Variants in LRRC8D observed in about 807,000 individuals in gnomAD.
LRRC8D encodes leucine rich repeat containing 8 VRAC subunit D.
A neutral mutation model predicts 55.8 loss-of-function variants in LRRC8D; 20 were observed. The ratio of observed to expected loss-of-function variants is 0.36; its 90% CI spans 0.25 to 0.52. The LOEUF (loss-of-function observed/expected upper bound fraction) is 0.52, where lower values mean the gene tolerates loss of function less well. LRRC8D is among the 20% of genes least tolerant of loss of function. The pLI is 0.93. For missense variants in LRRC8D, 651 were observed against 1,030.8 expected, an observed-to-expected ratio of 0.63 and a Z score of 5.05; for synonymous variants, 352 against 377.0, an observed-to-expected ratio of 0.93 and a Z score of 0.77.
chr1:89,822,395 T>C (rs1302284122), intron 1 of LRRC8D, among the ~76,000 whole-genome samples: 1 of 152,192 alleles, frequency 6.6e-6, no homozygotes, highest in Non-Finnish European at 1.5e-5. Context: ...CCGCTTGGCT[T>C]ATATTTGGCT....
chr1:89,925,035 A>G (rs1287658626), intron 2 of LRRC8D, among the ~76,000 whole-genome samples: 3 of 152,198 alleles, frequency 2.0e-5, no homozygotes, highest in Non-Finnish European at 4.4e-5. Context: ...ATGGCCTGTT[A>G]GGAACCGGGT....
At chr1:89,876,973 A>G (rs1662163969) in intron 2 of LRRC8D, among the ~76,000 whole-genome samples, 1 of 152,260 alleles carries the variant, frequency 6.6e-6, no homozygotes, top group African/African-American at 2.4e-5. Context: ...CAGGTAACTG[A>G]AAGTTTCATA....
intron 2 of LRRC8D, among the ~76,000 whole-genome samples, chr1:89,850,643 A>G (rs1334272959): frequency 6.6e-6 from 1 of 152,208 alleles, no homozygotes; most frequent in African/African-American, 2.4e-5. Flanking sequence ...TTTATCAAGG[A>G]ATACTACTCC....
At chr1:89,896,042 A>G (rs1470001883) in intron 2 of LRRC8D, among the ~76,000 whole-genome samples, 2 of 152,278 alleles carry the variant, frequency 1.3e-5, no homozygotes, top group Non-Finnish European at 2.9e-5. Flanking sequence ...GTCCACAAAT[A>G]CATTCTCTAA....
chr1:89,872,900 CAT>C (rs1390792590), intron 2 of LRRC8D, among the ~76,000 whole-genome samples: 10 of 152,134 alleles, frequency 6.6e-5, no homozygotes, highest in Admixed American at 3.9e-4. Flanking sequence ...TTAATTTCCA[CAT>C]GTTTAGGATA....
intron 2 of LRRC8D, among the ~76,000 whole-genome samples, chr1:89,845,727 G>T (rs928679990): frequency 4.6e-5 from 7 of 152,078 alleles, no homozygotes; most frequent in Admixed American, 6.5e-5. Flanking sequence ...CACTCAGCCA[G>T]TCAAGAGAGA....
At chr1:89,870,767 T>C (rs76072708) in intron 2 of LRRC8D, among the ~76,000 whole-genome samples, 10 of 152,112 alleles carry the variant, frequency 6.6e-5, no homozygotes, top group Non-Finnish European at 1.0e-4. Flanking sequence ...TGCTTCAAGA[T>C]AGAACTTTAA....
At chr1:89,924,259 G>A (rs377668302) in intron 2 of LRRC8D, among the ~76,000 whole-genome samples, 1 of 152,262 alleles carries the variant, frequency 6.6e-6, no homozygotes, top group African/African-American at 2.4e-5. Flanking sequence ...AATGGGCAAA[G>A]GACATGAACA....
At chr1:89,862,042 A>G (rs1557456042) in intron 2 of LRRC8D, among the ~76,000 whole-genome samples, 2 of 152,212 alleles carry the variant, frequency 1.3e-5, no homozygotes, top group Non-Finnish European at 2.9e-5. Context: ...TGGCAGAGTG[A>G]TATCATTTAG....
At chr1:89,923,953 G>A (rs995971956) in intron 2 of LRRC8D, among the ~76,000 whole-genome samples, 7 of 152,148 alleles carry the variant, frequency 4.6e-5, no homozygotes, top group African/African-American at 1.7e-4. Flanking sequence ...GGACTTAAAG[G>A]TAAGACCTAA....
intron 2 of LRRC8D, among the ~76,000 whole-genome samples, chr1:89,899,817 T>A (rs905343077): frequency 6.6e-6 from 1 of 152,232 alleles, no homozygotes; most frequent in Non-Finnish European, 1.5e-5. Context: ...TTGAAACCTT[T>A]CTGAGCTTGT....
chr1:89,837,683 A>C (rs1165845976), intron 1 of LRRC8D, among the ~76,000 whole-genome samples: 1 of 152,268 alleles, frequency 6.6e-6, no homozygotes, highest in East Asian at 1.9e-4. Context: ...AGTGCTTGGC[A>C]TTTATTAAAC....
chr1:89,824,958 T>A (rs1420236901), intron 1 of LRRC8D, among the ~76,000 whole-genome samples: 4 of 152,232 alleles, frequency 2.6e-5, no homozygotes, highest in Non-Finnish European at 5.9e-5. Context: ...TAATCATGTT[T>A]TGGATAGTCA....
At chr1:89,896,713 A>G (rs1399077742) in intron 2 of LRRC8D, among the ~76,000 whole-genome samples, 2 of 152,180 alleles carry the variant, frequency 1.3e-5, no homozygotes, top group African/African-American at 4.8e-5. Flanking sequence ...GCCATATCAC[A>G]CTAGTGATGA....
intron 2 of LRRC8D, among the ~76,000 whole-genome samples, chr1:89,885,784 C>G (rs754871226): frequency 7.2e-5 from 11 of 152,182 alleles, no homozygotes; most frequent in Admixed American, 1.3e-4. Flanking sequence ...GCCCTGCTGT[C>G]TTTCTCTTAC....
intron 1 of LRRC8D, among the ~76,000 whole-genome samples, chr1:89,834,525 C>T (rs1423206880): frequency 4.6e-5 from 7 of 152,220 alleles, no homozygotes. Context: ...AAACTTCGAC[C>T]TAGGTCTCTT....
intron 2 of LRRC8D, among the ~76,000 whole-genome samples, chr1:89,910,829 T>G (rs1663116722): frequency 6.6e-6 from 1 of 152,198 alleles, no homozygotes; most frequent in African/African-American, 2.4e-5. Flanking sequence ...TTTCTTCCTG[T>G]CTTCCCCTGC....
Position 89,854,288 on chromosome 1 carries a change from A to G in LRRC8D, c.-3+10506A>G, listed in dbSNP as rs184331723. On this transcript the variant is annotated intron_variant, in intron 2 of 2. Coordinates refer to ENST00000337338, the MANE Select transcript of LRRC8D (RefSeq NM_001134479.2). ...GGAAGTTAGTAACAGTTACCTTTGT[A>G]AAAGGAGCCCAGTGCTTTAGGATGA... 2.6e-3 allele frequency among the ~76,000 whole-genome samples: 393 copies of G among 152,286 alleles called. 1 individual carries two copies. The highest frequency in any genetic ancestry group is 9.1e-3 in the African/African-American group (378 of 41,556).
intron 2 of LRRC8D, among the ~76,000 whole-genome samples, chr1:89,870,475 C>CAAA (rs994792559): frequency 7.0e-6 from 1 of 141,980 alleles, no homozygotes; most frequent in African/African-American, 2.6e-5. Context: ...GACCCTGTAT[C>CAAA]AAAAAAAAAA....
Sources: allele counts gnomAD v4.1 joint callset (sites outside exome capture counted in the v4.1 genomes callset), GRCh38; gene constraint gnomAD v4.1.1; transcripts MANE v1.5; gene names NCBI Gene and HGNC (gene_info 2026-07-23, HGNC 2026-07-21).